Variants in CNTNAP5 observed in about 807,000 individuals in gnomAD.
The protein encoded by CNTNAP5 is contactin-associated protein-like 5.
CNTNAP5 carries 72 observed loss-of-function variants against 150.2 expected under a neutral mutation model. The observed-to-expected ratio is 0.48, with a 90% CI of 0.40 to 0.58. The LOEUF (loss-of-function observed/expected upper bound fraction) is 0.58. Ranked by LOEUF, CNTNAP5 falls within the 20% of genes least tolerant of loss-of-function variation. The pLI, the probability that CNTNAP5 is intolerant of heterozygous loss-of-function variation, is 0.00. For missense variants in CNTNAP5, 1,636 were observed against 1,626.2 expected (o/e 1.01, Z -0.10); for synonymous variants, 672 against 619.8 (o/e 1.08, Z -1.25).
chr2:124,876,221 C>A (rs1224969171), intron 21 of CNTNAP5, among the ~76,000 whole-genome samples: 1 of 152,058 alleles, frequency 6.6e-6, no homozygotes, highest in Non-Finnish European at 1.5e-5. Flanking sequence ...AAGGACCAAT[C>A]CCAGACCATG....
At chr2:124,450,371 A>C (rs1390063072) in intron 6 of CNTNAP5, among the ~76,000 whole-genome samples, 1 of 151,906 alleles carries the variant, frequency 6.6e-6, no homozygotes. Context: ...ATGTGGTAAT[A>C]ATGGCAAGAA....
At chr2:124,085,989 G>A (rs557689933) in intron 1 of CNTNAP5, among the ~76,000 whole-genome samples, 2 of 152,194 alleles carry the variant, frequency 1.3e-5, no homozygotes, top group East Asian at 3.9e-4. Flanking sequence ...GAAGACTGTT[G>A]GTTAATGGTG....
At chr2:124,160,159 C>T (rs1161109095) in intron 1 of CNTNAP5, among the ~76,000 whole-genome samples, 2 of 152,078 alleles carry the variant, frequency 1.3e-5, no homozygotes, top group African/African-American at 2.4e-5. Context: ...TAATTCTAGT[C>T]TGAGTCTAAA....
intron 2 of CNTNAP5, among the ~76,000 whole-genome samples, chr2:124,231,688 C>A (rs1243115591): frequency 1.3e-5 from 2 of 152,134 alleles, no homozygotes; most frequent in Non-Finnish European, 2.9e-5. Flanking sequence ...AAAAACTAAC[C>A]TTGACCTGGA....
At chr2:124,585,194 A>G (rs958815135) in intron 11 of CNTNAP5, among the ~76,000 whole-genome samples, 4 of 152,162 alleles carry the variant, frequency 2.6e-5, no homozygotes, top group Middle Eastern at 3.2e-3. Flanking sequence ...ATCAGCTTCT[A>G]TGTTATCACT....
chr2:124,067,012 T>C (rs565973854), intron 1 of CNTNAP5, among the ~76,000 whole-genome samples: 28 of 152,268 alleles, frequency 1.8e-4, no homozygotes, highest in African/African-American at 6.5e-4. Flanking sequence ...TGCAACTCTA[T>C]TTACCTCTTT....
intron 12 of CNTNAP5, among the ~76,000 whole-genome samples, chr2:124,646,845 T>C (rs1182991385): frequency 1.3e-5 from 2 of 152,178 alleles, no homozygotes; most frequent in African/African-American, 4.8e-5. Context: ...CGCTGGCTCA[T>C]GCCTGTGGTA....
intron 19 of CNTNAP5, among the ~76,000 whole-genome samples, chr2:124,839,422 ACACACTCT>A (rs1404385691): frequency 7.4e-6 from 1 of 135,852 alleles, no homozygotes; most frequent in Non-Finnish European, 1.5e-5. Flanking sequence ...CAAAAATGAC[ACACACTCT>A]CTCTCTCTCT....
intron 3 of CNTNAP5, among the ~76,000 whole-genome samples, chr2:124,365,831 T>C (rs1690357529): frequency 6.6e-6 from 1 of 152,188 alleles, no homozygotes; most frequent in African/African-American, 2.4e-5. Flanking sequence ...AATCTGAAGA[T>C]CCCATTCTTA....
At chr2:124,634,696 G>A (rs1677936038) in intron 12 of CNTNAP5, among the ~76,000 whole-genome samples, 1 of 152,014 alleles carries the variant, frequency 6.6e-6, no homozygotes, top group African/African-American at 2.4e-5. Flanking sequence ...TAGAGATGGA[G>A]TTTCACCATG....
At position 124,128,174 on chromosome 2, in the gene CNTNAP5, T is replaced by C. The variant is rs539152564; in HGVS notation, c.83-93531T>C. ...ACAATCTACCCATCTGACAAAGGAC[T>C]AGTATCAAGAATCTACAAAGAACTT... On this transcript the variant is annotated intron_variant, in intron 1 of 23. Coordinates refer to ENST00000682447, the MANE Select transcript of CNTNAP5 (RefSeq NM_001367498.1). Among the ~76,000 whole-genome samples the C allele has an allele frequency of 2.6e-5, 4 of 152,280 alleles. No homozygotes were observed. The East Asian group carries it at 7.7e-4, about 29-fold the overall frequency.
chr2:124,475,602 T>C (rs1231718760), intron 7 of CNTNAP5, among the ~76,000 whole-genome samples: 2 of 152,118 alleles, frequency 1.3e-5, no homozygotes, highest in Non-Finnish European at 2.9e-5. Flanking sequence ...TTTAGTATGC[T>C]ATGTATTCTG....
At chr2:124,854,121 A>G (rs1344644320) in intron 19 of CNTNAP5, among the ~76,000 whole-genome samples, 2 of 152,234 alleles carry the variant, frequency 1.3e-5, no homozygotes, top group East Asian at 3.9e-4. Context: ...GTGAACTTTC[A>G]TGTGGATGTA....
chr2:124,419,153 A>AAAAACAAAC (rs1553466549), intron 4 of CNTNAP5, among the ~76,000 whole-genome samples: 1 of 76,404 alleles, frequency 1.3e-5, no homozygotes, highest in African/African-American at 4.8e-5. Context: ...AAAAAAAAAA[A>AAAAACAAAC]AAAAAAAAAA....
chr2:124,243,928 G>T (rs1376288895), intron 3 of CNTNAP5, among the ~76,000 whole-genome samples: 2 of 152,098 alleles, frequency 1.3e-5, no homozygotes, highest in Non-Finnish European at 1.5e-5. Flanking sequence ...TTTGAGATAA[G>T]AAATAAGCAC....
At chr2:124,636,264 A>G (rs1348099106) in intron 12 of CNTNAP5, among the ~76,000 whole-genome samples, 2 of 152,166 alleles carry the variant, frequency 1.3e-5, no homozygotes, top group African/African-American at 4.8e-5. Flanking sequence ...GAATCTATTT[A>G]TAAGTTTGTT....
intron 11 of CNTNAP5, among the ~76,000 whole-genome samples, chr2:124,581,289 G>A (rs773883212): frequency 6.6e-6 from 1 of 152,154 alleles, no homozygotes; most frequent in Non-Finnish European, 1.5e-5. Flanking sequence ...TCATGCCAAG[G>A]TGGGAATAAA....
chr2:124,872,423 T>C (rs1248221618), intron 21 of CNTNAP5, among the ~76,000 whole-genome samples: 4 of 150,274 alleles, frequency 2.7e-5, no homozygotes, highest in Non-Finnish European at 5.9e-5. Flanking sequence ...TGTGCGTGCA[T>C]GTGCGTTTGT....
rs574390337 is a variant in CNTNAP5 at position 124,828,226 on chromosome 2, A to G, written c.3217+29906A>G. Among the ~76,000 whole-genome samples, 34 of 152,310 alleles carry G rather than the reference A, an allele frequency of 2.2e-4. 1 individual carries two copies. Among genetic ancestry groups the G allele is most frequent in the African/African-American group, 8.2e-4 (34 of 41,586 alleles). On this transcript the variant is annotated intron_variant, in intron 19 of 23. Coordinates refer to ENST00000682447, the MANE Select transcript of CNTNAP5 (RefSeq NM_001367498.1). ...GCCAGACGCGTTGGCTCACACCTCT[A>G]ATCTCAGCACTTTGCGAGGCCGAGA...
Sources: allele counts gnomAD v4.1 joint callset (sites outside exome capture counted in the v4.1 genomes callset), GRCh38; gene constraint gnomAD v4.1.1; transcripts MANE v1.5; gene names NCBI Gene and HGNC (gene_info 2026-07-23, HGNC 2026-07-21).